The following NXPH2 variants were observed in gnomAD, a reference collection of about 807,000 sequenced individuals.
NXPH2 encodes neurexophilin 2, also known as neurexophilin-2.
A neutral mutation model predicts 19.8 loss-of-function variants in NXPH2; 5 were observed. That is an observed-to-expected ratio of 0.25 (90% confidence interval 0.13 to 0.53). The LOEUF is 0.53. NXPH2 is among the 20% of genes least tolerant of loss of function. The pLI, the probability that NXPH2 is intolerant of heterozygous loss-of-function variation, is 0.96. For synonymous variants in NXPH2, 154 were observed against 127.4 expected, an observed-to-expected ratio of 1.21 and a Z score of -1.41; for missense variants, 289 against 322.8, an observed-to-expected ratio of 0.90 and a Z score of 0.80.
intron 1 of NXPH2, among the ~76,000 whole-genome samples, chr2:138,767,987 A>G (rs918720197): frequency 1.3e-5 from 2 of 151,722 alleles, no homozygotes; most frequent in Middle Eastern, 3.2e-3. Flanking sequence ...TATCTCTATT[A>G]TTTTCAGCCT....
At chr2:138,731,667 T>C (rs1451961992) in intron 1 of NXPH2, among the ~76,000 whole-genome samples, 1 of 152,068 alleles carries the variant, frequency 6.6e-6, no homozygotes, top group East Asian at 1.9e-4. Context: ...GGATAGATCT[T>C]CTAAAGACTG....
At chr2:138,672,388 T>C (rs1317468227) in intron 1 of NXPH2, among the ~76,000 whole-genome samples, 3 of 152,236 alleles carry the variant, frequency 2.0e-5, no homozygotes, top group Non-Finnish European at 4.4e-5. Flanking sequence ...GCTAAGAAAC[T>C]GTCATGTGCA....
chr2:138,692,765 T>C (rs559940276), intron 1 of NXPH2, among the ~76,000 whole-genome samples: 1 of 152,268 alleles, frequency 6.6e-6, no homozygotes, highest in East Asian at 1.9e-4. Context: ...AGATTTCTAA[T>C]ATTTATAAAG....
At chr2:138,707,955 G>A (rs974623354) in intron 1 of NXPH2, among the ~76,000 whole-genome samples, 2 of 151,920 alleles carry the variant, frequency 1.3e-5, no homozygotes, top group Admixed American at 1.3e-4. Context: ...AGACTCCCTG[G>A]ACAGTCAAGC....
chr2:138,751,205 C>T (rs1681823845), intron 1 of NXPH2, among the ~76,000 whole-genome samples: 1 of 152,014 alleles, frequency 6.6e-6, no homozygotes, highest in Non-Finnish European at 1.5e-5. Context: ...AGGTACTTGG[C>T]AAAAACATTT....
At chr2:138,773,812 C>G (rs1207350392) in intron 1 of NXPH2, among the ~76,000 whole-genome samples, 1 of 152,140 alleles carries the variant, frequency 6.6e-6, no homozygotes, top group Non-Finnish European at 1.5e-5. Flanking sequence ...AGCAATATCT[C>G]AAAGTCAAGT....
chr2:138,671,298 C>G lies in NXPH2; in HGVS notation c.419G>C (p.Gly140Ala), dbSNP rs1680410463. Residue 140 changes from glycine to alanine, a missense_variant, in exon 2 of 2, where the codon GGA becomes GCA. Coordinates refer to ENST00000272641, the MANE Select transcript of NXPH2 (RefSeq NM_007226.3). The part of the protein sequence containing the change: ...ITGKIVDHGN[G>A]TFSVYFRHNS... ...ATGTCGGAAATACACACTGAAGGTTCCATTTCCATGGTCAACAATTTTCCC... is the reference window on the plus strand; with the variant it reads ...ATGTCGGAAATACACACTGAAGGTTGCATTTCCATGGTCAACAATTTTCCC... The G allele has an allele frequency of 6.2e-7, 1 of 1,613,758 alleles. No homozygotes were observed.
chr2:138,715,779 T>C (rs1259546958), intron 1 of NXPH2, among the ~76,000 whole-genome samples: 1 of 152,182 alleles, frequency 6.6e-6, no homozygotes, highest in Non-Finnish European at 1.5e-5. Flanking sequence ...TAAATCTCCA[T>C]TTCTTTTCCT....
At chr2:138,754,381 T>G (rs1373040530) in intron 1 of NXPH2, among the ~76,000 whole-genome samples, 5 of 152,196 alleles carry the variant, frequency 3.3e-5, no homozygotes, top group Admixed American at 3.3e-4. Context: ...CACTGATCTT[T>G]TTACCATCTC....
At chr2:138,757,346 G>T (rs114711506) in intron 1 of NXPH2, among the ~76,000 whole-genome samples, 1 of 152,092 alleles carries the variant, frequency 6.6e-6, no homozygotes, top group East Asian at 1.9e-4. Context: ...TGCTGCTGCC[G>T]ATCTGCTGCA....
chr2:138,765,035 G>A (rs990479339), intron 1 of NXPH2, among the ~76,000 whole-genome samples: 3 of 152,204 alleles, frequency 2.0e-5, no homozygotes, highest in Non-Finnish European at 4.4e-5. Context: ...GACTTATTTA[G>A]GGATGTGTAC....
chr2:138,749,980 T>C (rs17657900), intron 1 of NXPH2, among the ~76,000 whole-genome samples: 20,574 of 152,098 alleles, frequency 0.14, 1,658 homozygotes, highest in East Asian at 0.2. Context: ...AGGTGTCCAG[T>C]CTCAAATAAG....
intron 1 of NXPH2, among the ~76,000 whole-genome samples, chr2:138,716,901 C>T (rs1005464089): frequency 6.6e-6 from 1 of 152,138 alleles, no homozygotes; most frequent in African/African-American, 2.4e-5. Flanking sequence ...TTGGTATTTA[C>T]CAAAATTAAT....
intron 1 of NXPH2, among the ~76,000 whole-genome samples, chr2:138,738,988 A>G (rs1403429317): frequency 6.6e-6 from 1 of 152,202 alleles, no homozygotes; most frequent in Non-Finnish European, 1.5e-5. Flanking sequence ...ATAATTAACG[A>G]AGTCCTGGGA....
chr2:138,751,724 G>A (rs1681832944), intron 1 of NXPH2, among the ~76,000 whole-genome samples: 1 of 152,092 alleles, frequency 6.6e-6, no homozygotes, highest in Non-Finnish European at 1.5e-5. Context: ...TATAATAAGT[G>A]TATTAACCTT....
chr2:138,755,311 A>C lies in NXPH2; in HGVS notation c.51+24880T>G, dbSNP rs76979612. 5.4e-4 allele frequency among the ~76,000 whole-genome samples: 82 copies of C among 152,022 alleles called. No individual in the cohort carries two copies. The East Asian group carries it at 0.012, about 22-fold the overall frequency. ...AGAAGTTTTGTAGTTTTGCATTTTA[A>C]ATTTATGTCTATGGTCTGTTTTGAA... is the stretch of plus-strand genomic sequence containing the variant. On this transcript the variant is annotated intron_variant, in intron 1 of 1. Coordinates refer to ENST00000272641, the MANE Select transcript of NXPH2 (RefSeq NM_007226.3).
At chr2:138,743,310 A>G (rs1309495551) in intron 1 of NXPH2, among the ~76,000 whole-genome samples, 2 of 152,256 alleles carry the variant, frequency 1.3e-5, no homozygotes. Context: ...GATAAATAAA[A>G]TGTGGTACAT....
intron 1 of NXPH2, among the ~76,000 whole-genome samples, chr2:138,730,522 C>A (rs1430121734): frequency 6.6e-6 from 1 of 152,122 alleles, no homozygotes; most frequent in African/African-American, 2.4e-5. Flanking sequence ...ACTCTTGAGG[C>A]CCTGAGCTGC....
At chr2:138,733,732 C>T (rs1681491312) in intron 1 of NXPH2, among the ~76,000 whole-genome samples, 1 of 152,190 alleles carries the variant, frequency 6.6e-6, no homozygotes, top group Admixed American at 6.6e-5. Context: ...AAGGAGGCTA[C>T]TGTACCCATG....
Sources: gnomAD v4.1 joint callset for allele counts (sites outside exome capture counted in the v4.1 genomes callset) on GRCh38, gnomAD v4.1.1 for gene constraint, MANE v1.5 for transcripts, NCBI Gene and HGNC (gene_info 2026-07-23, HGNC 2026-07-21) for gene names.